BBS9: variants seen among roughly 807,000 people sequenced by gnomAD.
The protein encoded by BBS9 is Bardet-Biedl syndrome 9.
A neutral mutation model predicts 117.7 loss-of-function variants in BBS9; 89 were observed. The ratio of observed to expected loss-of-function variants is 0.76; its 90% CI spans 0.64 to 0.90. The LOEUF (loss-of-function observed/expected upper bound fraction) is 0.90. BBS9 is among the 40% of genes least tolerant of loss of function. BBS9 has a pLI of 0.00. For missense variants in BBS9, 982 were observed against 1,042.2 expected, an observed-to-expected ratio of 0.94 and a Z score of 0.80; for synonymous variants, 379 against 370.9, an observed-to-expected ratio of 1.02 and a Z score of -0.25.
rs925968981 is a variant in BBS9 at position 33,152,810 on chromosome 7, A to G, written c.222A>G (p.Leu74=). 2.5e-6 allele frequency: 4 copies of G among 1,613,806 alleles called. No homozygotes were observed. Among genetic ancestry groups the G allele is most frequent in the African/African-American group, 2.7e-5 (2 of 74,912 alleles). ...QAEDLLLEVD[L]RDPVLQVEVG... ...AAGATTTGCTTCTAGAAGTGGATCT[A>G]CGAGATCCAGTACTTCAAGTGGAAG... is the stretch of plus-strand genomic sequence containing the variant. Residue 74 remains leucine, a synonymous_variant, in exon 3 of 23, where the codon CTA becomes CTG. Transcript: ENST00000242067.
chr7:33,610,787 G>A (rs1439546251), downstream of BBS9, among the ~76,000 whole-genome samples: 4 of 152,096 alleles, frequency 2.6e-5, no homozygotes, highest in Admixed American at 2.0e-4. Context: ...TCAAATGTAA[G>A]TACACTTTTA....
At chr7:33,260,074 A>C (rs1170895463) in intron 6 of BBS9, among the ~76,000 whole-genome samples, 1 of 150,162 alleles carries the variant, frequency 6.7e-6, no homozygotes, top group Non-Finnish European at 1.5e-5. Context: ...ATTTTGGCTC[A>C]CTGCAACCTC....
intron 19 of BBS9, among the ~76,000 whole-genome samples, chr7:33,468,797 TC>T (rs1241432398): frequency 1.1e-4 from 17 of 152,040 alleles, no homozygotes; most frequent in Non-Finnish European, 2.4e-4. Context: ...CAATTTAATG[TC>T]CCCCCAGCCT....
chr7:33,238,557 G>A lies in BBS9; in HGVS notation c.443-18679G>A, dbSNP rs62449349. Reference sequence around the variant, plus strand: ...TATCTGCCCGCTTCAGCCTCCAAAAGTGCTGAGATTACAGGTGTGAGACAA... The same window carrying A: ...TATCTGCCCGCTTCAGCCTCCAAAAATGCTGAGATTACAGGTGTGAGACAA... On this transcript the variant is annotated intron_variant, in intron 5 of 22. Transcript: ENST00000242067. Among the ~76,000 whole-genome samples the A allele has an allele frequency of 5.1e-3, 782 of 152,206 alleles. 5 individuals are homozygous for A. The highest frequency in any genetic ancestry group is 7.1e-3 in the Non-Finnish European group (483 of 68,014).
At chr7:33,492,240 G>A (rs1844083078) in intron 19 of BBS9, among the ~76,000 whole-genome samples, 1 of 147,474 alleles carries the variant, frequency 6.8e-6, no homozygotes, top group South Asian at 2.2e-4. Flanking sequence ...AAAAAACTTG[G>A]TTGAGTGTTT....
intron 11 of BBS9, among the ~76,000 whole-genome samples, chr7:33,343,865 G>A (rs1362098268): frequency 6.7e-6 from 1 of 148,970 alleles, no homozygotes; most frequent in Admixed American, 6.7e-5. Flanking sequence ...TTAGATACAT[G>A]TTGTTAATCA....
At chr7:33,408,580 G>C (rs969081228) in intron 19 of BBS9, among the ~76,000 whole-genome samples, 1 of 152,104 alleles carries the variant, frequency 6.6e-6, no homozygotes, top group East Asian at 1.9e-4. Context: ...GGCCATCTTG[G>C]CTCCTCCCAC....
At chr7:33,185,486 C>T (rs1386810233) in intron 5 of BBS9, among the ~76,000 whole-genome samples, 1 of 152,072 alleles carries the variant, frequency 6.6e-6, no homozygotes, top group Non-Finnish European at 1.5e-5. Flanking sequence ...TAGCTTTAGT[C>T]CTTAAATACT....
chr7:33,330,518 T>C (rs1022365072), intron 9 of BBS9, among the ~76,000 whole-genome samples: 2 of 152,206 alleles, frequency 1.3e-5, no homozygotes, highest in African/African-American at 4.8e-5. Flanking sequence ...GCTTCCTCTG[T>C]TGCGTTCTTA....
intron 19 of BBS9, among the ~76,000 whole-genome samples, chr7:33,496,633 A>G (rs963246084): frequency 7.2e-5 from 11 of 152,218 alleles, no homozygotes; most frequent in Admixed American, 5.2e-4. Context: ...TCACTGTCCT[A>G]TTAATACAAA....
At chr7:33,565,781 G>GTATGTATA (rs1554539530) in intron 21 of BBS9, among the ~76,000 whole-genome samples, 2 of 65,690 alleles carry the variant, frequency 3.0e-5, no homozygotes, top group Non-Finnish European at 6.3e-5. Context: ...GCTATCAGTA[G>GTATGTATA]TATATATATA....
At chr7:33,368,616 A>ACACACACACACACACACACACACC (rs996468631) in intron 17 of BBS9, among the ~76,000 whole-genome samples, 3 of 145,598 alleles carry the variant, frequency 2.1e-5, no homozygotes, top group African/African-American at 7.9e-5. Context: ...ACACACACAC[A>ACACACACACACACACACACACACC]CCCATACCCC....
At chr7:33,568,796 A>C (rs1857311435) in intron 21 of BBS9, among the ~76,000 whole-genome samples, 1 of 152,254 alleles carries the variant, frequency 6.6e-6, no homozygotes, top group South Asian at 2.1e-4. Flanking sequence ...GAAGGAAGGA[A>C]TATAAGAAAA....
At chr7:33,404,745 C>T (rs1027721590) in intron 19 of BBS9, among the ~76,000 whole-genome samples, 1 of 151,776 alleles carries the variant, frequency 6.6e-6, no homozygotes, top group African/African-American at 2.4e-5. Context: ...AGATTTTGGG[C>T]TGAGACAATG....
chr7:33,520,416 A>G (rs1257437313), intron 20 of BBS9, among the ~76,000 whole-genome samples: 1 of 152,242 alleles, frequency 6.6e-6, no homozygotes, highest in Non-Finnish European at 1.5e-5. Context: ...CTCACAAGTA[A>G]GAATAATGGT....
intron 21 of BBS9, among the ~76,000 whole-genome samples, chr7:33,589,762 T>C (rs1363675869): frequency 6.6e-6 from 1 of 151,924 alleles, no homozygotes; most frequent in Non-Finnish European, 1.5e-5. Flanking sequence ...AGATATTAAG[T>C]AAGAAGTTGG....
chr7:33,498,888 T>C (rs965183265), intron 19 of BBS9, among the ~76,000 whole-genome samples: 1 of 152,146 alleles, frequency 6.6e-6, no homozygotes, highest in Non-Finnish European at 1.5e-5. Flanking sequence ...AGAAGTGGAA[T>C]TTCTAGGTCA....
intron 16 of BBS9, 101 bp from the exon 17 acceptor site, chr7:33,367,666 A>G: frequency 2.3e-6 from 2 of 876,582 alleles, no homozygotes; most frequent in East Asian, 2.4e-5. Flanking sequence ...ATACATGACT[A>G]GTGACATAAA....
intron 12 of BBS9, among the ~76,000 whole-genome samples, chr7:33,345,010 T>G (rs1000305694): frequency 6.6e-6 from 1 of 152,212 alleles, no homozygotes; most frequent in African/African-American, 2.4e-5. Context: ...TAGTATACTG[T>G]GAATTGATAT....
Sources: allele counts gnomAD v4.1 joint callset (sites outside exome capture counted in the v4.1 genomes callset), GRCh38; gene constraint gnomAD v4.1.1; transcripts MANE v1.5; gene names NCBI Gene and HGNC (gene_info 2026-07-23, HGNC 2026-07-21).